EMID1: variants seen among roughly 807,000 people sequenced by gnomAD.
EMID1 encodes EMI domain containing 1, also known as EMI domain-containing protein 1.
A neutral mutation model predicts 60.6 loss-of-function variants in EMID1; 40 were observed. That is an observed-to-expected ratio of 0.66 (90% confidence interval 0.51 to 0.86). The LOEUF is 0.86. Among genes scored for constraint, EMID1 ranks in the 40% least tolerant of loss-of-function variants. EMID1 has a pLI of 0.00. For missense variants in EMID1, 585 were observed against 597.1 expected (o/e 0.98, Z 0.21); for synonymous variants, 242 against 231.0 (o/e 1.05, Z -0.43).
At chr22:29,258,618 G>A (rs1408899262) in intron 14 of EMID1, among the ~76,000 whole-genome samples, 199 bp from the exon 15 acceptor site, 2 of 152,196 alleles carry the variant, frequency 1.3e-5, no homozygotes, top group African/African-American at 4.8e-5. Flanking sequence ...CTCTCCTTGG[G>A]CTGGGGGGCT....
chr22:29,252,398 A>G (rs2041561328), intron 13 of EMID1, among the ~76,000 whole-genome samples: 1 of 152,220 alleles, frequency 6.6e-6, no homozygotes, highest in South Asian at 2.1e-4. Context: ...CATATTGTCT[A>G]TCCCTTCACT....
In EMID1 at chr22:29,231,152, ACT is replaced by A; in HGVS notation, c.586+14_586+15del. On this transcript the variant is annotated intron_variant, in intron 6 of 14. Transcript: ENST00000334018. ...TGGAGGCCTCCAGGGTGAGTGTCAG[ACT>A]CAGACTCCCCTGTGGGAATGAGCAG... 6.3e-7 allele frequency: 1 copy of A among 1,588,674 alleles called. No homozygotes were observed. The highest frequency in any genetic ancestry group is 1.2e-5 in the South Asian group (1 of 86,854).
At chr22:29,223,016 A>G (rs143873800) in intron 3 of EMID1, among the ~76,000 whole-genome samples, 4,131 of 152,242 alleles carry the variant, frequency 0.027, 80 homozygotes, top group Non-Finnish European at 0.044. Flanking sequence ...GCTTGAACCC[A>G]GGAGGCGGAG....
intron 13 of EMID1, among the ~76,000 whole-genome samples, chr22:29,253,015 T>TG (rs2041580705): frequency 6.6e-6 from 1 of 152,240 alleles, no homozygotes; most frequent in Non-Finnish European, 1.5e-5. Flanking sequence ...GACATACTGA[T>TG]GGTCCCCAGC....
chr22:29,228,066 G>A (rs1832219142), intron 5 of EMID1, among the ~76,000 whole-genome samples: 1 of 150,364 alleles, frequency 6.7e-6, no homozygotes, highest in South Asian at 2.1e-4. Flanking sequence ...TGAGGCAGGA[G>A]AATCGCTTGA....
At chr22:29,233,520 G>A (rs1404643001) in intron 9 of EMID1, 52 bp downstream of exon 9, 3 of 1,607,960 alleles carry the variant, frequency 1.9e-6, no homozygotes, top group East Asian at 2.2e-5. Flanking sequence ...GATGGCAGAG[G>A]GAATAGGGTT....
intron 12 of EMID1, 57 bp downstream of exon 12, chr22:29,234,406 C>A: frequency 6.3e-7 from 1 of 1,575,614 alleles, no homozygotes; most frequent in South Asian, 1.1e-5. Context: ...GTCCCAGATT[C>A]CTCCTGTGAC....
In EMID1 at chr22:29,233,427, CCCAGGGACCCACTGGGCCTCCAGGCCCT is replaced by C; in HGVS notation, c.879_906del (p.Thr295TrpfsTer19). ...TTCACTGAGACCAACAACCACTGGCCCCAGGGACCCACTGGGCCTCCAGGCCCTCCAGGGCCCATGGGTAAGTTGAGTC... is the reference window on the plus strand; with the variant it reads ...TTCACTGAGACCAACAACCACTGGCCCCAGGGCCCATGGGTAAGTTGAGTC... On this transcript the variant is annotated frameshift_variant, in exon 9 of 15. Transcript: ENST00000334018. LOFTEE classifies it high-confidence loss of function. The C allele has an allele frequency of 6.2e-7, 1 of 1,614,180 alleles. No homozygotes were observed. Among genetic ancestry groups the C allele is most frequent in the Non-Finnish European group, 8.5e-7 (1 of 1,180,002 alleles).
chr22:29,226,622 C>G, intron 5 of EMID1, 71 bp downstream of exon 5: 1 of 1,481,380 alleles, frequency 6.8e-7, no homozygotes. Context: ...CCATCCCACC[C>G]TCCCCACCTC....
At chr22:29,211,134 C>T (rs535641411) in intron 1 of EMID1, among the ~76,000 whole-genome samples, 22 of 151,948 alleles carry the variant, frequency 1.4e-4, no homozygotes, top group Admixed American at 3.9e-4. Flanking sequence ...CAAGTGTGAA[C>T]GCATTTGCAG....
chr22:29,224,092 A>G (rs960264239), intron 3 of EMID1, among the ~76,000 whole-genome samples: 10 of 152,178 alleles, frequency 6.6e-5, no homozygotes, highest in Admixed American at 2.6e-4. Flanking sequence ...TGAGGAGGGT[A>G]TGCTGGGGAT....
chr22:29,217,465 C>T (rs1299622083), intron 3 of EMID1, among the ~76,000 whole-genome samples: 1 of 152,258 alleles, frequency 6.6e-6, no homozygotes, highest in Non-Finnish European at 1.5e-5. Context: ...ACTTCCCGTG[C>T]TTGTGCAAGT....
Position 29,239,955 on chromosome 22 carries a change from G to A in EMID1, c.1075-3490G>A, listed in dbSNP as rs571111279. ...ACCTCCCAAGCAGCTGGGACTACAG[G>A]CGCCCGCCACCACACCCAGCTAATT... On this transcript the variant is annotated intron_variant, in intron 12 of 14. Transcript: ENST00000334018. 2.3e-4 allele frequency among the ~76,000 whole-genome samples: 31 copies of A among 134,134 alleles called. No homozygotes were observed. The South Asian group carries it at 4.1e-3, about 18-fold the overall frequency. The allele number at this position is 134,134 out of a possible 152,430, so 88.0% of individuals were successfully genotyped here.
intron 1 of EMID1, among the ~76,000 whole-genome samples, chr22:29,212,808 A>G (rs1490572330): frequency 6.6e-6 from 1 of 152,026 alleles, no homozygotes; most frequent in Non-Finnish European, 1.5e-5. Flanking sequence ...CACGTGATCC[A>G]CCCATCTCGG....
rs557299921 is a variant in EMID1 at position 29,218,186 on chromosome 22, G to T, written c.319+2556G>T. On this transcript the variant is annotated intron_variant, in intron 3 of 14. Transcript: ENST00000334018. ...GCTCCCCCACCGCCTACCCCATGCT[G>T]GGGATTCCGTGGCGACCTGGCAGAC... 1.3e-3 allele frequency among the ~76,000 whole-genome samples: 200 copies of T among 152,346 alleles called. 2 individuals carry two copies. Among genetic ancestry groups the T allele is most frequent in the Non-Finnish European group, 2.5e-3 (167 of 68,034 alleles).
chr22:29,259,217 C>G lies in EMID1; in HGVS notation c.*273C>G. On this transcript the variant is annotated 3_prime_UTR_variant, in exon 15 of 15. Transcript: ENST00000334018. ...GAGGGATAGAGGTACAAGGCTTCGTCTCATCTGCTGTCTGAGCATCCAGGC... is the reference window on the plus strand; with the variant it reads ...GAGGGATAGAGGTACAAGGCTTCGTGTCATCTGCTGTCTGAGCATCCAGGC... 2.1e-6 allele frequency: 1 copy of G among 476,118 alleles called. No homozygotes were observed. Among genetic ancestry groups the G allele is most frequent in the South Asian group, 2.6e-5 (1 of 38,010 alleles). The allele number at this position is 476,118 out of a possible 1,614,324, so 29.5% of individuals were successfully genotyped here. A position where few individuals can be genotyped will look rare whatever the true frequency, so the allele number is the denominator to read the frequency against.
intron 3 of EMID1, among the ~76,000 whole-genome samples, chr22:29,216,084 T>C (rs2040070519): frequency 6.6e-6 from 1 of 152,018 alleles, no homozygotes; most frequent in African/African-American, 2.4e-5. Context: ...TCTGTCTGTC[T>C]GCCAGGCTGC....
At chr22:29,231,828 C>G in intron 7 of EMID1, 146 bp downstream of exon 7, 1 of 743,120 alleles carries the variant, frequency 1.3e-6, no homozygotes, top group Non-Finnish European at 2.1e-6. Context: ...GAGTGCCCTG[C>G]CCACGCCTGG....
At chr22:29,245,153 T>A (rs2041286865) in intron 13 of EMID1, among the ~76,000 whole-genome samples, 1 of 152,152 alleles carries the variant, frequency 6.6e-6, no homozygotes, top group African/African-American at 2.4e-5. Context: ...TGGCCCCTGC[T>A]GTCCTGAATC....
Sources: gnomAD v4.1 joint callset for allele counts (sites outside exome capture counted in the v4.1 genomes callset) on GRCh38, gnomAD v4.1.1 for gene constraint, MANE v1.5 for transcripts, NCBI Gene and HGNC (gene_info 2026-07-23, HGNC 2026-07-21) for gene names.